HERC2: variants seen among roughly 807,000 people sequenced by gnomAD.
The protein encoded by HERC2 is E3 ubiquitin-protein ligase HERC2.
In HERC2, 102 loss-of-function variants were observed where a neutral mutation model predicts 537.7. The ratio of observed to expected loss-of-function variants is 0.19; its 90% CI spans 0.16 to 0.22. The LOEUF is 0.22. Ranked by LOEUF, HERC2 falls within the 10% of genes least tolerant of loss-of-function variation. The probability of loss-of-function intolerance (pLI) is 1.00; values close to 1 mark genes in which losing one functional copy is unlikely to be tolerated. For synonymous variants in HERC2, 2,224 were observed against 2,466.2 expected (o/e 0.90, Z 2.91); for missense variants, 4,236 against 6,198.2 (o/e 0.68, Z 10.63).
Position 28,117,089 on chromosome 15 carries a change from C to T in HERC2, c.13338G>A (p.Gln4446=). 6.2e-7 allele frequency: 1 copy of T among 1,614,176 alleles called. No homozygotes were observed. ...CAAACGAGCTCATCTTAGCACACAT[C>T]TGCCCAAAGACAGACTTGGTGCCGT... is the stretch of plus-strand genomic sequence containing the variant. ...GPDGTKSVFG[Q]MCAKMSSFGP... is the part of the protein sequence containing the mutation. The change falls in exon 87 of 93, where the codon CAG becomes CAA. Residue 4446 remains glutamine (Q), a synonymous_variant. Transcript: ENST00000261609.
intron 10 of HERC2, among the ~76,000 whole-genome samples, chr15:28,270,097 G>C (rs1214222125): frequency 1.3e-5 from 2 of 152,144 alleles, no homozygotes; most frequent in South Asian, 4.1e-4. Context: ...AAGTAGCTGG[G>C]ATTACAGGCA....
chr15:28,176,345 C>T lies in HERC2; in HGVS notation c.9686+83G>A, dbSNP rs546673334. On this transcript the variant is annotated intron_variant, in intron 63 of 92. Transcript: ENST00000261609. The surrounding 1 kb of genome is among the most constrained non-coding windows in gnomAD (Gnocchi z 5.0). ...AAAAGAGGACACGTCACAATCACGCCGGGTGAGCCTGGGGCGAGGCCCAGG... is the reference window on the plus strand; with the variant it reads ...AAAAGAGGACACGTCACAATCACGCTGGGTGAGCCTGGGGCGAGGCCCAGG... 1.5e-6 allele frequency: 2 copies of T among 1,302,532 alleles called. No homozygotes were observed. Among genetic ancestry groups the T allele is most frequent in the Admixed American group, 1.9e-5 (1 of 52,008 alleles). The allele number at this position is 1,302,532 out of a possible 1,614,324, so 80.7% of individuals were successfully genotyped here. A position where few individuals can be genotyped will look rare whatever the true frequency, so the allele number is the denominator to read the frequency against.
chr15:28,157,143 G>A (rs929534826), intron 69 of HERC2, among the ~76,000 whole-genome samples: 3 of 152,100 alleles, frequency 2.0e-5, no homozygotes, highest in East Asian at 1.9e-4. Context: ...TGCTGGATTC[G>A]GTTTGCCAGT....
intron 20 of HERC2, among the ~76,000 whole-genome samples, chr15:28,251,086 A>C (rs1029485667): frequency 2.0e-5 from 3 of 152,222 alleles, no homozygotes; most frequent in African/African-American, 7.2e-5. Flanking sequence ...TGTGGACAGC[A>C]CAGAGCCACC....
chr15:28,192,183 C>T (rs1251936177), intron 52 of HERC2, 32 bp from the exon 53 acceptor site: 1 of 1,556,700 alleles, frequency 6.4e-7, no homozygotes, highest in Admixed American at 1.7e-5. Context: ...GAGAATTAAC[C>T]CTTGCTGAAC....
chr15:28,292,921 T>A lies in HERC2; in HGVS notation c.289A>T (p.Ile97Phe). Residue 97 changes from isoleucine to phenylalanine, a missense_variant, in exon 4 of 93, where the codon ATT (isoleucine) becomes TTT (phenylalanine). Physicochemically the swap from Ile to Phe is conservative, Grantham distance 21 (BLOSUM62 0). Transcript: ENST00000261609. ...TTGCCCCATACCCAGCTGTCCAGAA[T>A]TGACTTGGCCCTATATATAGGTGCA... ...TPAPIYRAKS[I>F]LDSWVWGKQP... The A allele has an allele frequency of 1.2e-6, 2 of 1,611,088 alleles. No homozygotes were observed. Among genetic ancestry groups the A allele is most frequent in the African/African-American group, 2.7e-5 (2 of 74,926 alleles).
Position 28,300,788 on chromosome 15 carries a change from G to A in HERC2, c.73-1272C>T, listed in dbSNP as rs181399939. Among the ~76,000 whole-genome samples the A allele has an allele frequency of 3.0e-3, 307 of 101,314 alleles. 5 individuals are homozygous for A. Among genetic ancestry groups the A allele is most frequent in the African/African-American group, 0.013 (283 of 21,610 alleles). 66.5% of individuals were successfully genotyped at this position (101,314 alleles called of 152,430 possible). A position where few individuals can be genotyped will look rare whatever the true frequency, so the allele number is the denominator to read the frequency against. ...CAGTGAGCCGAGATTATGTCACTGC[G>A]CTCCAGCCTGGGTAAACAGAACGAG... On this transcript the variant is annotated intron_variant, in intron 2 of 92. Coordinates refer to ENST00000261609, the MANE Select transcript of HERC2 (RefSeq NM_004667.6).
intron 86 of HERC2, 80 bp downstream of exon 86, chr15:28,121,266 C>T (rs903107036): frequency 2.0e-5 from 25 of 1,255,078 alleles, no homozygotes; most frequent in East Asian, 4.7e-5. Flanking sequence ...AGGCTACCAG[C>T]GCTCTCGTCC....
intron 44 of HERC2, among the ~76,000 whole-genome samples, chr15:28,209,129 A>G (rs547765924): frequency 1.9e-4 from 29 of 152,302 alleles, no homozygotes; most frequent in African/African-American, 7.0e-4. Context: ...ATATCTATAA[A>G]CGGATATACA....
Position 28,200,076 on chromosome 15 carries a change from G to T in HERC2, c.7717-1307C>A, listed in dbSNP as rs1453289694. 2.0e-5 allele frequency among the ~76,000 whole-genome samples: 3 copies of T among 152,112 alleles called. No homozygotes were observed. In the East Asian group the frequency reaches 5.8e-4, roughly 29 times the overall value. ...AATCAGGTCATAAGAGTGGGCCTCT[G>T]ACACAACAGGACTAGGGTCTTTATA... is the stretch of plus-strand genomic sequence containing the variant. On this transcript the variant is annotated intron_variant, in intron 48 of 92. Transcript: ENST00000261609.
At chr15:28,215,858 A>C in intron 38 of HERC2, 56 bp from the exon 39 acceptor site, 2 of 1,066,300 alleles carry the variant, frequency 1.9e-6, no homozygotes, top group Non-Finnish European at 2.8e-6. Context: ...CAAATCCCTA[A>C]AGATATATCC....
chr15:28,123,391 C>T (rs878868060), intron 85 of HERC2, among the ~76,000 whole-genome samples: 8 of 152,206 alleles, frequency 5.3e-5, no homozygotes, highest in African/African-American at 1.9e-4. Flanking sequence ...ATGCCCCTAC[C>T]GTATGGTAAT....
intron 57 of HERC2, among the ~76,000 whole-genome samples, chr15:28,180,701 C>T (rs1214649672): frequency 6.6e-6 from 1 of 152,202 alleles, no homozygotes; most frequent in Non-Finnish European, 1.5e-5. Flanking sequence ...ATAGGTTCCA[C>T]GTCCATGAAT....
Position 28,215,769 on chromosome 15 carries a change from T to C in HERC2, c.6062A>G (p.His2021Arg). 6.2e-7 allele frequency: 1 copy of C among 1,611,858 alleles called. No homozygotes were observed. Among genetic ancestry groups the C allele is most frequent in the Non-Finnish European group, 8.5e-7 (1 of 1,179,770 alleles). The change falls in exon 39 of 93, where the codon CAC (histidine) becomes CGC (arginine). Residue 2021 changes from histidine to arginine, a missense_variant. Coordinates refer to ENST00000261609, the MANE Select transcript of HERC2 (RefSeq NM_004667.6). ...SPNRLVYREQ[H>R]RSWCTLGFVR... ...AAACCCCAGCGTGCACCAGCTCCGG[T>C]GTTGCTCCCTGTACACCAGCCTGTT...
rs1213546425 is a variant in HERC2, at chr15:28,214,818, T to C, written c.6211-16A>G. The C allele has an allele frequency of 6.3e-7, 1 of 1,599,046 alleles. No individual in the cohort carries two copies. Among genetic ancestry groups the C allele is most frequent in the Non-Finnish European group, 8.5e-7 (1 of 1,172,238 alleles). On this transcript the variant is annotated splice_polypyrimidine_tract_variant and intron_variant, in intron 39 of 92. Coordinates refer to ENST00000261609, the MANE Select transcript of HERC2 (RefSeq NM_004667.6). Reference sequence around the variant, plus strand: ...CAGCTAAGATCTGATAAAAGAAAATTTATAACGACAAGCATTAAAAAAAAT... The same window carrying C: ...CAGCTAAGATCTGATAAAAGAAAATCTATAACGACAAGCATTAAAAAAAAT...
chr15:28,250,707 T>C (rs6497291), intron 20 of HERC2, among the ~76,000 whole-genome samples: 11,541 of 151,720 alleles, frequency 0.076, 1,242 homozygotes, highest in African/African-American at 0.27. Context: ...TCTCTTACGA[T>C]CTTTAGATAA....
At chr15:28,174,785 G>C (rs1895087427) in intron 64 of HERC2, among the ~76,000 whole-genome samples, 165 bp from the exon 65 acceptor site, 1 of 152,120 alleles carries the variant, frequency 6.6e-6, no homozygotes, top group African/African-American at 2.4e-5. Flanking sequence ...AATGGCATCA[G>C]CGTACTACAA....
intron 39 of HERC2, among the ~76,000 whole-genome samples, chr15:28,215,396 G>A (rs367735305): frequency 0.09 from 13,627 of 152,082 alleles, 1,041 homozygotes; most frequent in East Asian, 0.42. Flanking sequence ...GCAGATGAGT[G>A]AGTAGTTGCA....
intron 35 of HERC2, among the ~76,000 whole-genome samples, chr15:28,225,768 CAG>C (rs1029183494): frequency 1.3e-5 from 2 of 148,656 alleles, no homozygotes; most frequent in African/African-American, 4.9e-5. Context: ...TAAGTGGAGA[CAG>C]TACTACCAAC....
Sources: allele counts gnomAD v4.1 joint callset (sites outside exome capture counted in the v4.1 genomes callset), GRCh38; gene constraint gnomAD v4.1.1; non-coding constraint Gnocchi (gnomAD v3.1); transcripts MANE v1.5; gene names NCBI Gene and HGNC (gene_info 2026-07-23, HGNC 2026-07-21).